The following NRXN3 variants were observed in gnomAD, a reference collection of about 807,000 sequenced individuals.
NRXN3 encodes the protein neurexin III.
In NRXN3, 32 loss-of-function variants were observed where a neutral mutation model predicts 137.6. The observed-to-expected ratio is 0.23, with a 90% CI of 0.18 to 0.31. The LOEUF (loss-of-function observed/expected upper bound fraction) is 0.31, where lower values mean the gene tolerates loss of function less well. NRXN3 is among the 10% of genes least tolerant of loss of function. The pLI is 1.00. For missense variants in NRXN3, 1,574 were observed against 2,062.5 expected (o/e 0.76, Z 4.59); for synonymous variants, 798 against 784.5 (o/e 1.02, Z -0.29).
chr14:78,943,622 A>T (rs2099358619), intron 10 of NRXN3, among the ~76,000 whole-genome samples: 2 of 24,262 alleles, frequency 8.2e-5, no homozygotes, highest in Non-Finnish European at 1.9e-4. Context: ...AAAAAAAAAA[A>T]TATATATATA....
At chr14:78,679,476 A>G (rs1027469900) in intron 6 of NRXN3, among the ~76,000 whole-genome samples, 1 of 152,204 alleles carries the variant, frequency 6.6e-6, no homozygotes, top group South Asian at 2.1e-4. Context: ...TGAAAGCCCA[A>G]CTGTGCAACA....
At chr14:79,854,390 A>G (rs185674988) in intron 20 of NRXN3, among the ~76,000 whole-genome samples, 137 of 152,112 alleles carry the variant, frequency 9.0e-4, no homozygotes, top group Admixed American at 2.5e-3. Flanking sequence ...TCCTTCTCCC[A>G]GCTTACTTTG....
intron 6 of NRXN3, among the ~76,000 whole-genome samples, chr14:78,689,579 T>C (rs1358647426): frequency 6.6e-6 from 1 of 152,178 alleles, no homozygotes; most frequent in Non-Finnish European, 1.5e-5. Flanking sequence ...ATATATGGTA[T>C]CACTAGAATA....
At chr14:79,395,553 A>C (rs1407154226) in intron 15 of NRXN3, among the ~76,000 whole-genome samples, 2 of 151,720 alleles carry the variant, frequency 1.3e-5, no homozygotes, top group African/African-American at 4.8e-5. Flanking sequence ...TCACGCCTGT[A>C]ATCCCAGCAC....
chr14:79,833,619 A>G (rs1247707495), intron 20 of NRXN3, among the ~76,000 whole-genome samples: 1 of 64,302 alleles, frequency 1.6e-5, no homozygotes, highest in Non-Finnish European at 3.1e-5. Context: ...TTAACAAAAA[A>G]TGTTGAGAAA....
At position 79,522,156 on chromosome 14, in the gene NRXN3, G is replaced by T. The variant is rs147876997; in HGVS notation, c.3444+54754G>T. Among the ~76,000 whole-genome samples the T allele has an allele frequency of 2.0e-4, 31 of 152,274 alleles. 1 individual carries two copies. Among genetic ancestry groups the T allele is most frequent in the African/African-American group, 6.3e-4 (26 of 41,580 alleles). ...AAATCATGGTACTTCTGTGGAACAG[G>T]TAGTTGGATGACTGTAATGCACAGG... On this transcript the variant is annotated intron_variant, in intron 16 of 20. Transcript: ENST00000335750.
At chr14:79,329,070 T>G (rs779740303) in intron 15 of NRXN3, among the ~76,000 whole-genome samples, 4 of 152,224 alleles carry the variant, frequency 2.6e-5, no homozygotes, top group Non-Finnish European at 5.9e-5. Context: ...GCCATCGTTT[T>G]CTTTCTGTGT....
At chr14:79,632,713 T>G (rs934044347) in intron 16 of NRXN3, among the ~76,000 whole-genome samples, 1 of 151,578 alleles carries the variant, frequency 6.6e-6, no homozygotes, top group Non-Finnish European at 1.5e-5. Flanking sequence ...GTCACAATAT[T>G]AAGTATTTTA....
intron 15 of NRXN3, among the ~76,000 whole-genome samples, chr14:79,447,329 G>T (rs982911505): frequency 6.6e-6 from 1 of 152,068 alleles, no homozygotes; most frequent in African/African-American, 2.4e-5. Context: ...GGATATTTCT[G>T]CCAATGTGTT....
At chr14:78,727,631 A>G (rs1356563660) in intron 8 of NRXN3, among the ~76,000 whole-genome samples, 4 of 152,136 alleles carry the variant, frequency 2.6e-5, no homozygotes, top group African/African-American at 9.7e-5. Context: ...GCTACTTGGG[A>G]GGCTGAGATA....
intron 15 of NRXN3, among the ~76,000 whole-genome samples, chr14:79,283,638 A>C (rs7153826): frequency 0.014 from 2,098 of 152,088 alleles, 32 homozygotes; most frequent in South Asian, 0.08. Context: ...GGTGCCCCCA[A>C]AAAATCTCAC....
chr14:78,514,854 A>G (rs2096177180), intron 4 of NRXN3, among the ~76,000 whole-genome samples: 2 of 152,164 alleles, frequency 1.3e-5, no homozygotes, highest in African/African-American at 4.8e-5. Context: ...ATTTGAATGA[A>G]GAATGGAAGC....
chr14:78,588,330 A>G (rs1363378708), intron 4 of NRXN3, among the ~76,000 whole-genome samples: 2 of 152,234 alleles, frequency 1.3e-5, no homozygotes, highest in African/African-American at 4.8e-5. Context: ...TTGTTGACAT[A>G]TACATTTTCC....
chr14:78,929,409 C>G (rs1382198632), intron 10 of NRXN3, among the ~76,000 whole-genome samples: 1 of 152,138 alleles, frequency 6.6e-6, no homozygotes, highest in Non-Finnish European at 1.5e-5. Flanking sequence ...TCTATTTATT[C>G]ATATGTTCAC....
intron 15 of NRXN3, among the ~76,000 whole-genome samples, chr14:79,195,166 C>A (rs8011043): frequency 1.3e-5 from 2 of 152,100 alleles, no homozygotes; most frequent in Admixed American, 1.3e-4. Flanking sequence ...GACCCCATGA[C>A]AAGATGCTCC....
intron 19 of NRXN3, among the ~76,000 whole-genome samples, chr14:79,796,336 C>T (rs1437795545): frequency 2.6e-5 from 4 of 152,154 alleles, no homozygotes; most frequent in Non-Finnish European, 5.9e-5. Flanking sequence ...TTACATTCCT[C>T]CTGCTTTTGG....
At chr14:79,405,853 A>G (rs1010306914) in intron 15 of NRXN3, among the ~76,000 whole-genome samples, 7 of 152,136 alleles carry the variant, frequency 4.6e-5, no homozygotes, top group African/African-American at 2.4e-5. Flanking sequence ...ACTCTAATCC[A>G]GGACCTTAGT....
At chr14:79,576,405 T>A (rs1354439363) in intron 16 of NRXN3, among the ~76,000 whole-genome samples, 1 of 152,192 alleles carries the variant, frequency 6.6e-6, no homozygotes, top group Non-Finnish European at 1.5e-5. Flanking sequence ...TGTGCTGATT[T>A]GAAGAGGCTC....
intron 15 of NRXN3, among the ~76,000 whole-genome samples, chr14:79,414,006 A>G (rs1237024719): frequency 1.3e-5 from 2 of 151,982 alleles, no homozygotes; most frequent in Admixed American, 1.3e-4. Flanking sequence ...TCTGATATTA[A>G]CATAGCTGGA....
Sources: gnomAD v4.1 joint callset for allele counts (sites outside exome capture counted in the v4.1 genomes callset) on GRCh38, gnomAD v4.1.1 for gene constraint, MANE v1.5 for transcripts, NCBI Gene and HGNC (gene_info 2026-07-23, HGNC 2026-07-21) for gene names.